CYP3A43: variants seen among roughly 807,000 people sequenced by gnomAD.
CYP3A43 encodes the protein cytochrome P450 3A43.
Under a neutral mutation model 58.0 loss-of-function variants are expected in CYP3A43, and 45 were observed. The observed-to-expected ratio is 0.78, with a 90% CI of 0.61 to 0.99. CYP3A43 has a LOEUF of 0.99. CYP3A43 is among the 50% of genes least tolerant of loss of function. The probability of loss-of-function intolerance (pLI) is 0.00; values close to 1 mark genes in which losing one functional copy is unlikely to be tolerated. For missense variants in CYP3A43, 593 were observed against 591.9 expected, an observed-to-expected ratio of 1.00 and a Z score of -0.02; for synonymous variants, 191 against 201.4, an observed-to-expected ratio of 0.95 and a Z score of 0.44.
intron 1 of CYP3A43, among the ~76,000 whole-genome samples, 166 bp downstream of exon 1, chr7:99,828,352 C>T (rs1349971122): frequency 1.3e-5 from 2 of 152,128 alleles, no homozygotes; most frequent in Non-Finnish European, 2.9e-5. Context: ...GTTAGGACTC[C>T]TAATACAACA....
intron 9 of CYP3A43, among the ~76,000 whole-genome samples, chr7:99,857,891 T>A (rs561838571): frequency 2.0e-5 from 3 of 152,030 alleles, no homozygotes; most frequent in South Asian, 4.2e-4. Flanking sequence ...GAGCAGGAAA[T>A]GTTTAACTCA....
At position 99,861,667 on chromosome 7, in the gene CYP3A43, A is replaced by T. The variant is rs772427850; in HGVS notation, c.1081A>T (p.Asn361Tyr). The part of the protein sequence containing the change: ...VQMEYLDMVV[N>Y]ETLRLFPVVS... ...GATGGAGTACCTTGACATGGTGGTG[A>T]ATGAAACGCTCAGATTATTCCCAGT... Residue 361 changes from asparagine (N) to tyrosine (Y), a missense_variant, in exon 11 of 13, where the codon AAT becomes TAT. Physicochemically the swap from Asn to Tyr is moderately radical, Grantham distance 143. Coordinates refer to ENST00000354829, the MANE Select transcript of CYP3A43 (RefSeq NM_057095.3). 1 of 1,614,154 alleles carries T rather than the reference A, an allele frequency of 6.2e-7. No individual in the cohort carries two copies. The highest frequency in any genetic ancestry group is 1.1e-5 in the South Asian group (1 of 91,072).
intron 2 of CYP3A43, among the ~76,000 whole-genome samples, chr7:99,837,090 G>C (rs1413784404): frequency 6.6e-6 from 1 of 150,900 alleles, no homozygotes; most frequent in African/African-American, 2.4e-5. Flanking sequence ...CGGATCACGA[G>C]GTCAGGAGAT....
chr7:99,833,742 A>C (rs1242240952), intron 1 of CYP3A43, among the ~76,000 whole-genome samples: 1 of 152,204 alleles, frequency 6.6e-6, no homozygotes, highest in African/African-American at 2.4e-5. Flanking sequence ...CGCGGAGCTG[A>C]GCTTTTTCTT....
rs1054313701 is a variant in CYP3A43, at chr7:99,832,415, A to C, written c.72-4038A>C. 2.0e-5 allele frequency among the ~76,000 whole-genome samples: 3 copies of C among 151,586 alleles called. No individual in the cohort carries two copies. The South Asian group carries it at 6.3e-4, about 32-fold the overall frequency. On this transcript the variant is annotated intron_variant, in intron 1 of 12. Transcript: ENST00000354829. ...TCATGATAGTGAATGAATTCTCACA[A>C]GATCTGATGGTTTTAAAAGTGTGGC...
intron 2 of CYP3A43, 39 bp from the exon 3 acceptor site, chr7:99,839,081 C>T (rs1241832041): frequency 1.2e-6 from 2 of 1,612,710 alleles, no homozygotes; most frequent in Non-Finnish European, 1.7e-6. Context: ...TCAGTACATT[C>T]GAAATAATAC....
chr7:99,845,531 A>G (rs1257317755), intron 4 of CYP3A43, among the ~76,000 whole-genome samples: 4 of 152,086 alleles, frequency 2.6e-5, no homozygotes, highest in African/African-American at 7.2e-5. Flanking sequence ...CATGTTGGCC[A>G]GGCGGGTCTC....
At chr7:99,851,559 C>T (rs1454486229) in intron 7 of CYP3A43, among the ~76,000 whole-genome samples, 1 of 152,190 alleles carries the variant, frequency 6.6e-6, no homozygotes, top group African/African-American at 2.4e-5. Flanking sequence ...AATTGAGCAA[C>T]ATTGGCCATC....
intron 2 of CYP3A43, 21 bp from the exon 3 acceptor site, chr7:99,839,099 G>A (rs749034522): frequency 3.1e-6 from 5 of 1,614,052 alleles, no homozygotes; most frequent in Admixed American, 3.3e-5. Flanking sequence ...TACTTGAATT[G>A]TATTTTGTTT....
intron 1 of CYP3A43, among the ~76,000 whole-genome samples, chr7:99,834,829 G>A (rs116147214): frequency 1.5e-3 from 223 of 152,310 alleles, no homozygotes; most frequent in African/African-American, 4.1e-3. Flanking sequence ...GGTTGAGGCT[G>A]TTGGTTCACT....
chr7:99,860,012 G>A (rs1254303730), intron 10 of CYP3A43, 22 bp downstream of exon 10: 2 of 1,548,022 alleles, frequency 1.3e-6, no homozygotes, highest in South Asian at 1.3e-5. Flanking sequence ...ATCCCCTGGA[G>A]AAGGAGGGAG....
chr7:99,858,495 AT>A (rs1223891092), intron 9 of CYP3A43, among the ~76,000 whole-genome samples: 2 of 152,112 alleles, frequency 1.3e-5, no homozygotes, highest in Non-Finnish European at 2.9e-5. Context: ...GTAGTCATAA[AT>A]GCTGTTCGGT....
At chr7:99,839,286 A>G (rs1213321658) in intron 3 of CYP3A43, 114 bp downstream of exon 3, 3 of 1,248,326 alleles carry the variant, frequency 2.4e-6, no homozygotes, top group Non-Finnish European at 3.5e-6. Context: ...TGTCAACCTA[A>G]GTAACAAACA....
intron 1 of CYP3A43, among the ~76,000 whole-genome samples, chr7:99,831,118 G>A (rs1436814979): frequency 6.6e-6 from 1 of 152,226 alleles, no homozygotes; most frequent in Admixed American, 6.5e-5. Flanking sequence ...TTTTCGATGT[G>A]TGAGTAGGAA....
intron 1 of CYP3A43, among the ~76,000 whole-genome samples, chr7:99,831,368 C>G (rs1485428350): frequency 6.6e-6 from 1 of 152,176 alleles, no homozygotes; most frequent in Non-Finnish European, 1.5e-5. Context: ...CACAGTGAAA[C>G]TTTTCTATCA....
chr7:99,864,626 G>A lies in CYP3A43; in HGVS notation c.1416+927G>A, dbSNP rs772640516. Among the ~76,000 whole-genome samples the A allele has an allele frequency of 5.4e-5, 8 of 148,444 alleles. 1 individual carries two copies. The highest frequency in any genetic ancestry group is 1.1e-4 in the African/African-American group (4 of 37,966). On this transcript the variant is annotated intron_variant, in intron 12 of 12. Transcript: ENST00000354829. ...TCTATTCTAAGAATTTCTCCTCTCT[G>A]CCCCATTTATGTTGTTTTGTTTTAA...
Position 99,848,013 on chromosome 7 carries a change from A to G in CYP3A43, c.433-153A>G, listed in dbSNP as rs867733560. 58 of 765,058 alleles carry G rather than the reference A, an allele frequency of 7.6e-5. 1 individual carries two copies. In the Middle Eastern group the frequency reaches 4.0e-3, roughly 53 times the overall value. The allele number at this position is 765,058 out of a possible 1,614,324, so 47.4% of individuals were successfully genotyped here. A position where few individuals can be genotyped will look rare whatever the true frequency, so the allele number is the denominator to read the frequency against. ...GCAACAAGAGCGAAACTCTGTCTCA[A>G]AAAAAAGGGGCAGGGGGCGGTCTTT... On this transcript the variant is annotated intron_variant, in intron 5 of 12. Transcript: ENST00000354829.
rs751496510 is a variant in CYP3A43 at position 99,856,795 on chromosome 7, T to C, written c.799-38T>C. The C allele has an allele frequency of 1.9e-6, 3 of 1,612,158 alleles. No individual in the cohort carries two copies. The South Asian group carries it at 3.3e-5, about 18-fold the overall frequency. On this transcript the variant is annotated intron_variant, in intron 8 of 12. Transcript: ENST00000354829. ...CCTGATTCACTTCTGACTTCACAAG[T>C]GACTTTCTGTCATTAAAATTTCTCT...
intron 8 of CYP3A43, 114 bp from the exon 9 acceptor site, chr7:99,856,719 T>G: frequency 9.2e-7 from 1 of 1,081,324 alleles, no homozygotes; most frequent in Non-Finnish European, 1.4e-6. Flanking sequence ...CCCATTACAC[T>G]TCTGAACTTA....
Sources: allele counts gnomAD v4.1 joint callset (sites outside exome capture counted in the v4.1 genomes callset), GRCh38; gene constraint gnomAD v4.1.1; transcripts MANE v1.5; gene names NCBI Gene and HGNC (gene_info 2026-07-23, HGNC 2026-07-21).